Variants in COL28A1 observed in about 807,000 individuals in gnomAD.
COL28A1 encodes collagen alpha-1(XXVIII) chain.
COL28A1 carries 161 observed loss-of-function variants against 150.2 expected under a neutral mutation model. The observed-to-expected ratio is 1.07, with a 90% CI of 0.94 to 1.22. The LOEUF is 1.22. Among genes scored for constraint, COL28A1 ranks in the 50% most tolerant of loss-of-function variants. The probability of loss-of-function intolerance (pLI) is 0.00; values close to 1 mark genes in which losing one functional copy is unlikely to be tolerated. For synonymous variants in COL28A1, 552 were observed against 469.7 expected (o/e 1.18, Z -2.26); for missense variants, 1,617 against 1,388.3 (o/e 1.16, Z -2.62).
intron 5 of COL28A1, among the ~76,000 whole-genome samples, chr7:7,520,654 C>T (rs1377069923): frequency 6.6e-6 from 1 of 152,168 alleles, no homozygotes; most frequent in East Asian, 1.9e-4. Context: ...AACCAGAAAG[C>T]TTGCTTTTCT....
At chr7:7,477,473 G>A (rs982041956) in intron 13 of COL28A1, among the ~76,000 whole-genome samples, 1 of 152,200 alleles carries the variant, frequency 6.6e-6, no homozygotes, top group Non-Finnish European at 1.5e-5. Flanking sequence ...CAAATACTAT[G>A]CCATTGTGTC....
chr7:7,375,328 G>A (rs1470307468), intron 31 of COL28A1, 133 bp downstream of exon 31: 16 of 775,932 alleles, frequency 2.1e-5, no homozygotes, highest in Non-Finnish European at 1.9e-5. Flanking sequence ...AGTTTCCATC[G>A]ACTTTTCAAA....
At position 7,373,572 on chromosome 7, in the gene COL28A1, A is replaced by T; in HGVS notation, c.2360-26T>A. The T allele has an allele frequency of 1.3e-6, 2 of 1,581,228 alleles. No individual in the cohort carries two copies. The highest frequency in any genetic ancestry group is 1.7e-4 in the Middle Eastern group (1 of 5,972). ...CTAAAAGATGAATGTTGAGAGAGAA[A>T]AATTGTGGGAATGATTGACATCAGA... On this transcript the variant is annotated intron_variant, in intron 31 of 34. Coordinates refer to ENST00000399429, the MANE Select transcript of COL28A1 (RefSeq NM_001037763.3). This position sits in a 1 kb window ranked among gnomAD's most constrained non-coding sequence, Gnocchi z 4.1.
intron 15 of COL28A1, among the ~76,000 whole-genome samples, chr7:7,464,864 T>C (rs78876230): frequency 0.098 from 14,919 of 152,162 alleles, 903 homozygotes; most frequent in Middle Eastern, 0.21. Flanking sequence ...AAACTGGTTC[T>C]TTGAAAAGAT....
chr7:7,451,205 G>C (rs533068903), intron 18 of COL28A1, among the ~76,000 whole-genome samples: 223 of 151,836 alleles, frequency 1.5e-3, no homozygotes, highest in Non-Finnish European at 1.9e-3. Flanking sequence ...ATTATTCTCT[G>C]TATGGTGAGT....
chr7:7,441,132 T>C (rs1470096155), intron 20 of COL28A1, among the ~76,000 whole-genome samples: 1 of 152,252 alleles, frequency 6.6e-6, no homozygotes, highest in Non-Finnish European at 1.5e-5. Flanking sequence ...TGTTTGAATT[T>C]ATAGTTCATT....
chr7:7,453,538 T>C (rs1471527809), intron 16 of COL28A1, 30 bp from the exon 17 acceptor site: 1 of 882,050 alleles, frequency 1.1e-6, no homozygotes, highest in Non-Finnish European at 1.9e-6. Context: ...AAAATAGTGT[T>C]AGTGAAATGA....
intron 30 of COL28A1, among the ~76,000 whole-genome samples, chr7:7,379,006 C>G (rs2128287692): frequency 6.6e-6 from 1 of 152,322 alleles, no homozygotes; most frequent in Middle Eastern, 3.4e-3. Flanking sequence ...GCCCATGCAT[C>G]CAGGCCAGTG....
chr7:7,431,665 G>C (rs1309267364), intron 25 of COL28A1: 2 of 470,536 alleles, frequency 4.3e-6, no homozygotes, highest in Admixed American at 4.7e-5. Flanking sequence ...GAAGCCACCA[G>C]GGTGTTTCTA....
intron 32 of COL28A1, among the ~76,000 whole-genome samples, chr7:7,371,390 C>G (rs1056144856): frequency 1.3e-5 from 2 of 152,226 alleles, no homozygotes; most frequent in African/African-American, 4.8e-5. Context: ...AGTCAGCCAG[C>G]AGGGTACTGA....
In COL28A1 at chr7:7,459,159, A is replaced by G. The variant is rs140063635; in HGVS notation, c.1303-3047T>C. ...GAGTGATTTCTTTGCATGACCTCCA[A>G]ATGTAAAAATAACATGCACCATGTC... On this transcript the variant is annotated intron_variant, in intron 15 of 34. Coordinates refer to ENST00000399429, the MANE Select transcript of COL28A1 (RefSeq NM_001037763.3). 4.7e-3 allele frequency among the ~76,000 whole-genome samples: 709 copies of G among 152,358 alleles called. 5 individuals carry two copies. The highest frequency in any genetic ancestry group is 0.022 in the East Asian group (115 of 5,190).
intron 23 of COL28A1, 105 bp from the exon 24 acceptor site, chr7:7,432,805 C>A: frequency 1.2e-6 from 1 of 829,290 alleles, no homozygotes; most frequent in Admixed American, 2.0e-5. Flanking sequence ...GATTTCTAAC[C>A]CGGGAGTTAG....
chr7:7,347,358 T>C, the COL28A1 span, among the ~76,000 whole-genome samples: 1 of 152,150 alleles, frequency 6.6e-6, no homozygotes, highest in Non-Finnish European at 1.5e-5. Flanking sequence ...CATAGCTCTT[T>C]CTTCTTATGT....
At chr7:7,345,963 AG>A in the COL28A1 span, among the ~76,000 whole-genome samples, 4 of 152,022 alleles carry the variant, frequency 2.6e-5, no homozygotes, top group African/African-American at 9.7e-5. Flanking sequence ...ATCATCCACA[AG>A]CTCCTTGATG....
chr7:7,372,126 A>G (rs1355844938), intron 32 of COL28A1, among the ~76,000 whole-genome samples: 1 of 152,092 alleles, frequency 6.6e-6, no homozygotes, highest in Non-Finnish European at 1.5e-5. Context: ...TTGGCTGGGC[A>G]CGGTGGCTCA....
rs201967894 is a variant in COL28A1, at chr7:7,531,484, C to T, written c.545G>A (p.Gly182Glu). The T allele has an allele frequency of 7.5e-4, 1,210 of 1,605,432 alleles. 8 individuals carry two copies. In the Middle Eastern group the frequency reaches 0.01, roughly 14 times the overall value. The change falls in exon 3 of 35, where the codon GGA (glycine) becomes GAA (glutamate). Residue 182 changes from glycine (G) to glutamate (E), a missense_variant. Gly to Glu is a moderately conservative substitution (Grantham distance 98, BLOSUM62 -2). Coordinates refer to ENST00000399429, the MANE Select transcript of COL28A1 (RefSeq NM_001037763.3). ...QSISEDARIS[G>E]ISFITIALST... is the part of the protein sequence containing the mutation. ...AAGTGCAATGGTGATAAATGATATT[C>T]CTGAAATTCTGGCATCTTCAGAAAT...
At chr7:7,442,604 G>C (rs908052076) in intron 20 of COL28A1, among the ~76,000 whole-genome samples, 4 of 152,092 alleles carry the variant, frequency 2.6e-5, no homozygotes, top group African/African-American at 9.7e-5. Flanking sequence ...TTCAATTTTA[G>C]TGAGTATGTT....
At position 7,404,556 on chromosome 7, in the gene COL28A1, T is replaced by C. The variant is rs1044722914; in HGVS notation, c.2136+13303A>G. On this transcript the variant is annotated intron_variant, in intron 27 of 34. Transcript: ENST00000399429. ...CTCTATAGGACCTTTGCACAAGCTC[T>C]TCCCTCTTCCTGAAATGTTCTTCCC... Among the ~76,000 whole-genome samples the C allele has an allele frequency of 3.3e-5, 5 of 152,060 alleles. No homozygotes were observed. The East Asian group carries it at 9.7e-4, about 30-fold the overall frequency.
Position 7,456,034 on chromosome 7 carries a change from C to T in COL28A1, c.1371+10G>A. The T allele has an allele frequency of 1.2e-6, 2 of 1,613,712 alleles. No homozygotes were observed. The highest frequency in any genetic ancestry group is 1.3e-5 in the African/African-American group (1 of 74,982). On this transcript the variant is annotated intron_variant, in intron 16 of 34. Transcript: ENST00000399429. Reference sequence around the variant, plus strand: ...CTGCACTGAAGGGAAAGGAAGAATGCATTAATTACCTGTTCCCCTTGACTC... The same window carrying T: ...CTGCACTGAAGGGAAAGGAAGAATGTATTAATTACCTGTTCCCCTTGACTC...
Sources: allele counts gnomAD v4.1 joint callset (sites outside exome capture counted in the v4.1 genomes callset), GRCh38; gene constraint gnomAD v4.1.1; non-coding constraint Gnocchi (gnomAD v3.1); transcripts MANE v1.5; gene names NCBI Gene and HGNC (gene_info 2026-07-23, HGNC 2026-07-21).